KAZN: variants seen among roughly 807,000 people sequenced by gnomAD.
The protein encoded by KAZN is kazrin.
A neutral mutation model predicts 87.4 loss-of-function variants in KAZN; 40 were observed. The observed-to-expected ratio is 0.46, with a 90% CI of 0.36 to 0.60. KAZN has a LOEUF of 0.60. Among genes scored for constraint, KAZN ranks in the 20% least tolerant of loss-of-function variants. The pLI is 0.00. For synonymous variants in KAZN, 466 were observed against 458.3 expected, an observed-to-expected ratio of 1.02 and a Z score of -0.22; for missense variants, 898 against 1,073.9, an observed-to-expected ratio of 0.84 and a Z score of 2.29.
chr1:14,071,375 G>C (rs2101557742), intron 1 of KAZN, among the ~76,000 whole-genome samples: 1 of 152,270 alleles, frequency 6.6e-6, no homozygotes, highest in South Asian at 2.1e-4. Context: ...AGGATTCTGG[G>C]GACAGGCATA....
chr1:14,251,600 G>T (rs1465089927), intron 2 of KAZN, among the ~76,000 whole-genome samples: 1 of 149,258 alleles, frequency 6.7e-6, no homozygotes, highest in African/African-American at 2.5e-5. Context: ...TGTCACTGGG[G>T]TAGGTCCAGA....
rs528544712 is a variant in KAZN, at chr1:14,773,559, T to G, written c.226+174336T>G. Among the ~76,000 whole-genome samples, 1 of 152,286 alleles carries G rather than the reference T, an allele frequency of 6.6e-6. No homozygotes were observed. The highest frequency in any genetic ancestry group is 1.9e-4 in the East Asian group (1 of 5,170). ...CGAATCTCAGCTTCCTCATCTGAGA[T>G]GGTGGAAAAGATGATGTTGACTTTC... On this transcript the variant is annotated intron_variant, in intron 1 of 14. Transcript: ENST00000376030. The surrounding 1 kb of genome is among the most constrained non-coding windows in gnomAD (Gnocchi z 5.9).
At chr1:14,673,010 G>A (rs1441865846) in intron 1 of KAZN, among the ~76,000 whole-genome samples, 1 of 152,176 alleles carries the variant, frequency 6.6e-6, no homozygotes, top group Admixed American at 6.5e-5. Flanking sequence ...CTTTTAATTT[G>A]GAAAGATGTA....
intron 2 of KAZN, among the ~76,000 whole-genome samples, chr1:14,474,484 G>A (rs1450405846): frequency 3.9e-5 from 6 of 152,186 alleles, no homozygotes; most frequent in Non-Finnish European, 8.8e-5. Context: ...AAACACTCCT[G>A]AAATAAGAAC....
chr1:14,837,140 C>T (rs554439493), intron 1 of KAZN, among the ~76,000 whole-genome samples: 47 of 152,246 alleles, frequency 3.1e-4, no homozygotes, highest in African/African-American at 1.0e-3. Flanking sequence ...CATAGGTAGG[C>T]TCTTGCTTCT....
chr1:14,290,034 G>T (rs1455378872), intron 2 of KAZN, among the ~76,000 whole-genome samples: 1 of 152,170 alleles, frequency 6.6e-6, no homozygotes, highest in Non-Finnish European at 1.5e-5. Flanking sequence ...TAGAGTTTCT[G>T]CTGAGAGATC....
intron 1 of KAZN, among the ~76,000 whole-genome samples, chr1:14,710,689 C>A (rs1004718424): frequency 2.0e-5 from 3 of 152,142 alleles, no homozygotes; most frequent in African/African-American, 7.2e-5. Flanking sequence ...TTCCATTGCC[C>A]CAGCCCTCGC....
chr1:14,876,629 C>T (rs1402307574), intron 1 of KAZN, among the ~76,000 whole-genome samples: 2 of 152,144 alleles, frequency 1.3e-5, no homozygotes, highest in African/African-American at 4.8e-5. Flanking sequence ...TGCTTCCCAC[C>T]TTCTCTGTTT....
rs1169303885 is a variant in KAZN at position 14,923,795 on chromosome 1, G to A, written c.227-36889G>A. ...GTCAGCTGTGGGGACCTCGGCTCTCGGCAAGGCTGTCACAGGGTGTCAGGA... is the reference window on the plus strand; with the variant it reads ...GTCAGCTGTGGGGACCTCGGCTCTCAGCAAGGCTGTCACAGGGTGTCAGGA... On this transcript the variant is annotated intron_variant, in intron 1 of 14. Coordinates refer to ENST00000376030, the MANE Select transcript of KAZN (RefSeq NM_201628.3). The surrounding 1 kb of genome is among the most constrained non-coding windows in gnomAD (Gnocchi z 4.2). Among the ~76,000 whole-genome samples the A allele has an allele frequency of 6.6e-6, 1 of 152,204 alleles. No individual in the cohort carries two copies. The highest frequency in any genetic ancestry group is 1.5e-5 in the Non-Finnish European group (1 of 68,024).
intron 1 of KAZN, among the ~76,000 whole-genome samples, chr1:14,068,933 G>A (rs1643127862): frequency 6.6e-6 from 1 of 151,956 alleles, no homozygotes; most frequent in African/African-American, 2.4e-5. Flanking sequence ...TGAGTAGCTG[G>A]GACTACAGGC....
At chr1:15,044,269 G>GCT in intron 4 of KAZN, 110 bp downstream of exon 4, 1 of 419,798 alleles carries the variant, frequency 2.4e-6, no homozygotes, top group Admixed American at 4.0e-5. Context: ...GGGTGGGTGG[G>GCT]GCAGAGCAGA....
At chr1:14,449,218 TCTC>T (rs1557728854) in intron 2 of KAZN, among the ~76,000 whole-genome samples, 2 of 152,214 alleles carry the variant, frequency 1.3e-5, no homozygotes, top group Non-Finnish European at 2.9e-5. Context: ...GGACTTAGTC[TCTC>T]CTCCTTTTCT....
chr1:14,130,968 C>T (rs1355021378), intron 1 of KAZN, among the ~76,000 whole-genome samples: 1 of 152,138 alleles, frequency 6.6e-6, no homozygotes, highest in Non-Finnish European at 1.5e-5. Context: ...TGAAGACATA[C>T]CTGAGACTAA....
chr1:14,116,235 C>T (rs1380248881), intron 1 of KAZN, among the ~76,000 whole-genome samples: 2 of 152,174 alleles, frequency 1.3e-5, no homozygotes, highest in African/African-American at 4.8e-5. Flanking sequence ...CAGGGCATGT[C>T]AGAGGTCTTC....
intron 2 of KAZN, among the ~76,000 whole-genome samples, chr1:14,278,827 T>A (rs1057400660): frequency 6.6e-6 from 1 of 152,074 alleles, no homozygotes; most frequent in African/African-American, 2.4e-5. Context: ...TTCTGGATAT[T>A]TTTTTAGTCT....
chr1:14,919,967 C>G (rs1658316391), intron 1 of KAZN, among the ~76,000 whole-genome samples: 1 of 152,030 alleles, frequency 6.6e-6, no homozygotes, highest in Non-Finnish European at 1.5e-5. Flanking sequence ...GACAAAATTG[C>G]CTACCAATGC....
chr1:15,038,032 G>A (rs931107260), intron 3 of KAZN, among the ~76,000 whole-genome samples: 9 of 152,076 alleles, frequency 5.9e-5, no homozygotes, highest in African/African-American at 1.2e-4. Context: ...TGGGAGGATC[G>A]CTTGAGCCCA....
intron 1 of KAZN, among the ~76,000 whole-genome samples, chr1:14,756,926 G>A (rs1410534482): frequency 2.0e-5 from 3 of 152,214 alleles, no homozygotes; most frequent in South Asian, 2.1e-4. Context: ...GGAGAGGCTC[G>A]TCATTTTGTG....
At chr1:15,048,725 T>TCCTTGGTCGTC (rs1673917376) in intron 4 of KAZN, among the ~76,000 whole-genome samples, 1 of 131,990 alleles carries the variant, frequency 7.6e-6, no homozygotes, top group African/African-American at 3.2e-5. Context: ...CCTGGGTCGT[T>TCCTTGGTCGTC]GGTCATGGGT....
Sources: allele counts gnomAD v4.1 joint callset (sites outside exome capture counted in the v4.1 genomes callset), GRCh38; gene constraint gnomAD v4.1.1; non-coding constraint Gnocchi (gnomAD v3.1); transcripts MANE v1.5; gene names NCBI Gene and HGNC (gene_info 2026-07-23, HGNC 2026-07-21).